ZSCAN5A: variants seen among roughly 807,000 people sequenced by gnomAD.
ZSCAN5A encodes the protein zinc finger and SCAN domain containing 5A.
Under a neutral mutation model 23.7 loss-of-function variants are expected in ZSCAN5A, and 12 were observed. The ratio of observed to expected loss-of-function variants is 0.51; its 90% CI spans 0.32 to 0.82. The LOEUF is 0.82. Ranked by LOEUF, ZSCAN5A falls within the 40% of genes least tolerant of loss-of-function variation. ZSCAN5A has a pLI of 0.03. For synonymous variants in ZSCAN5A, 257 were observed against 239.9 expected (o/e 1.07, Z -0.66); for missense variants, 597 against 617.9 (o/e 0.97, Z 0.36).
At chr19:56,285,648 T>C (rs1272755917) in intron 2 of ZSCAN5A, among the ~76,000 whole-genome samples, 1 of 152,178 alleles carries the variant, frequency 6.6e-6, no homozygotes, top group African/African-American at 2.4e-5. Flanking sequence ...ATTATTATTA[T>C]TTTTGTATTT....
At chr19:56,331,530 G>A (rs2041488719) in intron 2 of ZSCAN5A, among the ~76,000 whole-genome samples, 1 of 128,044 alleles carries the variant, frequency 7.8e-6, no homozygotes, top group Non-Finnish European at 1.6e-5. Context: ...GTTATATATA[G>A]TCTAGGCTTT....
At chr19:56,326,090 G>A (rs941414658) in intron 2 of ZSCAN5A, among the ~76,000 whole-genome samples, 3 of 151,638 alleles carry the variant, frequency 2.0e-5, no homozygotes, top group Admixed American at 6.6e-5. Flanking sequence ...CCGCCACCAC[G>A]CCCAGCTAAT....
chr19:56,283,849 C>G (rs768708569), intron 2 of ZSCAN5A: 3 of 152,204 alleles, frequency 2.0e-5, no homozygotes, highest in Non-Finnish European at 4.4e-5. Context: ...CTTGGCTCCT[C>G]TTTCTAGAGG....
At chr19:56,320,360 C>CT in intron 2 of ZSCAN5A, 1 of 348,348 alleles carries the variant, frequency 2.9e-6, no homozygotes. Flanking sequence ...AACCCAATCT[C>CT]TACTAAAAAT....
At chr19:56,277,780 A>G (rs1370803805) in intron 2 of ZSCAN5A, among the ~76,000 whole-genome samples, 1 of 152,176 alleles carries the variant, frequency 6.6e-6, no homozygotes, top group Non-Finnish European at 1.5e-5. Context: ...GAGGTGAGGG[A>G]TGAAAACTAC....
chr19:56,284,707 T>C (rs1600183020), intron 2 of ZSCAN5A, among the ~76,000 whole-genome samples: 1 of 151,882 alleles, frequency 6.6e-6, no homozygotes, highest in Admixed American at 6.6e-5. Context: ...TAGAAATGGG[T>C]TTGGCCATGT....
At chr19:56,247,310 A>G (rs956328880) in intron 2 of ZSCAN5A, 3 of 282,970 alleles carry the variant, frequency 1.1e-5, no homozygotes, top group South Asian at 4.6e-5. Flanking sequence ...GAGAAGCCCT[A>G]TAAATGTAAG....
chr19:56,227,449 C>A (rs2034058345), intron 2 of ZSCAN5A, among the ~76,000 whole-genome samples: 1 of 152,172 alleles, frequency 6.6e-6, no homozygotes, highest in Non-Finnish European at 1.5e-5. Context: ...GGGAGGATCA[C>A]TTGAGCCCAA....
intron 2 of ZSCAN5A, among the ~76,000 whole-genome samples, chr19:56,298,669 C>T: frequency 6.7e-6 from 1 of 148,816 alleles, no homozygotes; most frequent in Middle Eastern, 3.2e-3. Flanking sequence ...AAAAAAAAAT[C>T]TGAATAATCC....
chr19:56,261,596 G>A (rs934281813), intron 2 of ZSCAN5A, among the ~76,000 whole-genome samples: 1 of 152,060 alleles, frequency 6.6e-6, no homozygotes, highest in Non-Finnish European at 1.5e-5. Context: ...TCAGATCCAG[G>A]AGCAAATTGA....
chr19:56,222,268 A>G lies in ZSCAN5A; in HGVS notation c.798T>C (p.Asn266=). The G allele has an allele frequency of 3.1e-6, 5 of 1,613,586 alleles. No individual in the cohort carries two copies. The Middle Eastern group carries it at 5.0e-4, about 160-fold the overall frequency. The change falls in exon 6 of 6, where the codon AAT becomes AAC. Residue 266 remains asparagine, a synonymous_variant. Coordinates refer to ENST00000683990, the MANE Select transcript of ZSCAN5A (RefSeq NM_001322064.3). ...AGGCAGAAGGTGTGTCAGCATCCAC[A>G]TTTTCCACAGAGGCTATTTTTGGGG... is the stretch of plus-strand genomic sequence containing the variant. ...KDPPKIASVE[N]VDADTPSACV...
intron 1 of ZSCAN5A, 132 bp downstream of exon 1, chr19:56,314,549 C>T (rs2041247590): frequency 1.3e-5 from 2 of 152,332 alleles, no homozygotes; most frequent in South Asian, 2.1e-4. Flanking sequence ...CGGGCTCGGT[C>T]CTCCCACGAA....
chr19:56,275,303 C>T (rs2038164240), intron 2 of ZSCAN5A, among the ~76,000 whole-genome samples: 2 of 152,322 alleles, frequency 1.3e-5, no homozygotes, highest in African/African-American at 4.8e-5. Context: ...AGTGCTTCTC[C>T]AATGGTGATT....
At chr19:56,222,530 C>T in intron 5 of ZSCAN5A, 61 bp downstream of exon 5, 1 of 1,584,312 alleles carries the variant, frequency 6.3e-7, no homozygotes, top group Non-Finnish European at 8.6e-7. Context: ...ATGCTGGGCC[C>T]CCAGCCCCGC....
Position 56,353,636 on chromosome 19 carries a change from G to A in ZSCAN5A, c.-358+9599C>T, listed in dbSNP as rs368619512. Among the ~76,000 whole-genome samples the A allele has an allele frequency of 2.0e-4, 30 of 152,038 alleles. No homozygotes were observed. The East Asian group carries it at 5.4e-3, about 27-fold the overall frequency. The stretch of plus-strand genomic sequence containing the variant: ...TACTAAAAAAAAATACAAAAAATTA[G>A]CTGCGCGTGGTGGCAGGCACCTGTA... On this transcript the variant is annotated intron_variant, in intron 2 of 6. Coordinates refer to the ZSCAN5A transcript ENST00000587340.
At chr19:56,261,118 G>T (rs796674537) in intron 2 of ZSCAN5A, among the ~76,000 whole-genome samples, 1 of 151,954 alleles carries the variant, frequency 6.6e-6, no homozygotes, top group Non-Finnish European at 1.5e-5. Flanking sequence ...TGAGGCAGGA[G>T]AATCTCTTGA....
chr19:56,353,573 C>G (rs547380568), intron 2 of ZSCAN5A, among the ~76,000 whole-genome samples: 2 of 151,928 alleles, frequency 1.3e-5, no homozygotes, highest in African/African-American at 2.4e-5. Flanking sequence ...GTCAGGAGAT[C>G]GAGACCATCC....
chr19:56,317,752 A>T (rs1456697981), upstream of ZSCAN5A: 1 of 152,786 alleles, frequency 6.5e-6, no homozygotes, highest in Non-Finnish European at 1.5e-5. Flanking sequence ...GAAGAGAGAA[A>T]GCAGAGTGTG....
intron 2 of ZSCAN5A, among the ~76,000 whole-genome samples, chr19:56,358,476 G>C (rs955214562): frequency 2.4e-5 from 3 of 125,792 alleles, no homozygotes; most frequent in Non-Finnish European, 5.2e-5. Context: ...CCCAATAATA[G>C]CGGGAGACTT....
Sources: allele counts gnomAD v4.1 joint callset (sites outside exome capture counted in the v4.1 genomes callset), GRCh38; gene constraint gnomAD v4.1.1; transcripts MANE v1.5; gene names NCBI Gene and HGNC (gene_info 2026-07-23, HGNC 2026-07-21).